The following IL1RAPL2 variants were observed in gnomAD, a reference collection of about 807,000 sequenced individuals.
IL1RAPL2 encodes the protein interleukin 1 receptor accessory protein like 2, also known as X-linked interleukin-1 receptor accessory protein-like 2.
IL1RAPL2 carries 3 observed loss-of-function variants against 44.1 expected under a neutral mutation model. That is an observed-to-expected ratio of 0.07 (90% confidence interval 0.03 to 0.18). IL1RAPL2 has a LOEUF of 0.18. Ranked by LOEUF, IL1RAPL2 falls within the 10% of genes least tolerant of loss-of-function variation. The pLI is 1.00. For missense variants in IL1RAPL2, 391 were observed against 496.4 expected, an observed-to-expected ratio of 0.79 and a Z score of 2.02; for synonymous variants, 181 against 178.8, an observed-to-expected ratio of 1.01 and a Z score of -0.10.
In IL1RAPL2 at chrX:104,909,926, G is replaced by A. The variant is rs764150900; in HGVS notation, c.82+250931G>A. 3.6e-5 allele frequency among the ~76,000 whole-genome samples: 4 copies of A among 112,451 alleles called. No homozygotes were observed. In the South Asian group the frequency reaches 1.5e-3, roughly 41 times the overall value. On this transcript the variant is annotated intron_variant, in intron 2 of 10. Transcript: ENST00000372582. ...GCTTTGTTTACCTAAGCAAGCCTGG[G>A]TAATGGTGGGCGCCCCTCCGCCAGC...
chrX:105,066,499 T>C (rs935813543), intron 2 of IL1RAPL2, among the ~76,000 whole-genome samples: 8 of 110,206 alleles, frequency 7.3e-5, no homozygotes, highest in Admixed American at 3.9e-4. Context: ...GTTACATATA[T>C]GCCTGGACTT....
At chrX:105,670,595 G>GGCCAATCTTGTCTATA (rs1316040808) in intron 6 of IL1RAPL2, among the ~76,000 whole-genome samples, 4 of 99,754 alleles carry the variant, frequency 4.0e-5, no homozygotes, top group Non-Finnish European at 4.1e-5. Context: ...CACCGCGCCC[G>GGCCAATCTTGTCTATA]GCCAATCTTG....
At chrX:104,698,616 G>C (rs983864011) in intron 2 of IL1RAPL2, among the ~76,000 whole-genome samples, 3 of 111,938 alleles carry the variant, frequency 2.7e-5, no homozygotes, top group Non-Finnish European at 5.6e-5. Flanking sequence ...CAATCATAAT[G>C]GTTGGGAGGG....
intron 2 of IL1RAPL2, among the ~76,000 whole-genome samples, chrX:105,086,054 C>G (rs2032475473): frequency 9.0e-6 from 1 of 111,154 alleles, no homozygotes; most frequent in Non-Finnish European, 1.9e-5. Context: ...GGAGGAACAT[C>G]TCTATATAAG....
chrX:105,074,359 C>T (rs750043048), intron 2 of IL1RAPL2, among the ~76,000 whole-genome samples: 17 of 110,689 alleles, frequency 1.5e-4, no homozygotes, highest in South Asian at 7.7e-4. Context: ...TGTAGATATG[C>T]GGCATTATTT....
At chrX:105,088,990 T>C (rs1237548273) in intron 2 of IL1RAPL2, among the ~76,000 whole-genome samples, 1 of 111,189 alleles carries the variant, frequency 9.0e-6, no homozygotes, top group African/African-American at 3.3e-5. Flanking sequence ...GGAATAATTA[T>C]TATTTAAAAA....
chrX:104,777,063 A>C (rs1932730013), intron 2 of IL1RAPL2, among the ~76,000 whole-genome samples: 1 of 111,510 alleles, frequency 9.0e-6, no homozygotes, highest in Non-Finnish European at 1.9e-5. Context: ...ATAACATAAA[A>C]TGTACCATCT....
intron 2 of IL1RAPL2, among the ~76,000 whole-genome samples, chrX:104,811,824 TAC>T (rs940132850): frequency 2.7e-5 from 3 of 110,780 alleles, no homozygotes; most frequent in Non-Finnish European, 5.7e-5. Flanking sequence ...TGTCTCTGGT[TAC>T]AGTTTTGAAT....
intron 2 of IL1RAPL2, among the ~76,000 whole-genome samples, chrX:105,115,827 C>G (rs898928304): frequency 2.7e-5 from 3 of 112,932 alleles, no homozygotes; most frequent in African/African-American, 9.6e-5. Context: ...AGGCTCGGGC[C>G]GTGCAGGAGC....
chrX:105,725,696 T>C (rs1328555932), intron 7 of IL1RAPL2, among the ~76,000 whole-genome samples: 1 of 111,843 alleles, frequency 8.9e-6, no homozygotes, highest in African/African-American at 3.2e-5. Context: ...GGGAAAATGA[T>C]GAGATGTATT....
intron 5 of IL1RAPL2, among the ~76,000 whole-genome samples, chrX:105,282,184 G>C (rs770358038): frequency 6.2e-4 from 69 of 111,993 alleles, no homozygotes; most frequent in Middle Eastern, 4.3e-3. Context: ...AGGGATGTAT[G>C]AGCCAAGAGC....
At chrX:105,491,710 A>G (rs185926186) in intron 6 of IL1RAPL2, among the ~76,000 whole-genome samples, 1 of 111,977 alleles carries the variant, frequency 8.9e-6, no homozygotes, top group African/African-American at 3.2e-5. Context: ...AAACCATTCT[A>G]TTGCCCAGAT....
chrX:104,696,073 G>T (rs1931177811), intron 2 of IL1RAPL2, among the ~76,000 whole-genome samples: 1 of 111,871 alleles, frequency 8.9e-6, no homozygotes, highest in Middle Eastern at 4.6e-3. Flanking sequence ...CTCCCAAAGT[G>T]CTGGGATTAC....
chrX:105,744,778 C>T (rs2038527165), intron 8 of IL1RAPL2, among the ~76,000 whole-genome samples: 1 of 111,937 alleles, frequency 8.9e-6, no homozygotes, highest in Non-Finnish European at 1.9e-5. Flanking sequence ...GTAAGTGCAA[C>T]TAGCATTTCA....
chrX:104,705,487 AG>A (rs1436267620), intron 2 of IL1RAPL2, among the ~76,000 whole-genome samples: 1 of 111,097 alleles, frequency 9.0e-6, no homozygotes, highest in Non-Finnish European at 1.9e-5. Context: ...TTCTATTTCC[AG>A]GATATGAACA....
At chrX:105,718,493 T>C (rs945179807) in intron 7 of IL1RAPL2, among the ~76,000 whole-genome samples, 7 of 111,644 alleles carry the variant, frequency 6.3e-5, no homozygotes, top group African/African-American at 2.3e-4. Flanking sequence ...ATATTTACTA[T>C]AGGAGCATAT....
At chrX:105,046,762 C>A (rs1435461252) in intron 2 of IL1RAPL2, among the ~76,000 whole-genome samples, 3 of 108,673 alleles carry the variant, frequency 2.8e-5, no homozygotes, top group African/African-American at 1.0e-4. Flanking sequence ...CTATTAGACA[C>A]CATTCGTTTT....
chrX:104,795,628 G>A (rs920744532), intron 2 of IL1RAPL2, among the ~76,000 whole-genome samples: 3 of 111,153 alleles, frequency 2.7e-5, no homozygotes, highest in African/African-American at 6.5e-5. Flanking sequence ...AATCCCTCCT[G>A]GAGTGTAAAT....
intron 2 of IL1RAPL2, among the ~76,000 whole-genome samples, chrX:105,192,084 G>T (rs782516550): frequency 1.1e-3 from 118 of 112,055 alleles, no homozygotes; most frequent in Non-Finnish European, 9.8e-4. Flanking sequence ...CCCTCTATGG[G>T]CTACTCAGTT....
Sources: allele counts gnomAD v4.1 joint callset (sites outside exome capture counted in the v4.1 genomes callset), GRCh38; gene constraint gnomAD v4.1.1; transcripts MANE v1.5; gene names NCBI Gene and HGNC (gene_info 2026-07-23, HGNC 2026-07-21).